SECISBP2: variants seen among roughly 807,000 people sequenced by gnomAD.
SECISBP2 encodes the protein selenocysteine insertion sequence-binding protein 2.
In SECISBP2, 96 loss-of-function variants were observed where a neutral mutation model predicts 98.2. That is an observed-to-expected ratio of 0.98 (90% CI 0.83 to 1.16). The LOEUF is 1.16. Among genes scored for constraint, SECISBP2 ranks in the 50% most tolerant of loss-of-function variants. SECISBP2 has a pLI of 0.00. For synonymous variants in SECISBP2, 407 were observed against 370.2 expected (o/e 1.10, Z -1.14); for missense variants, 1,046 against 1,022.9 (o/e 1.02, Z -0.31).
Position 89,331,720 on chromosome 9 carries a change from G to T in SECISBP2, c.802-1188G>T, listed in dbSNP as rs76784295. Among the ~76,000 whole-genome samples the T allele has an allele frequency of 6.9e-3, 1,046 of 152,320 alleles. 15 individuals are homozygous for T. The highest frequency in any genetic ancestry group is 0.024 in the African/African-American group (991 of 41,568). On this transcript the variant is annotated intron_variant, in intron 5 of 16. Coordinates refer to ENST00000375807, the MANE Select transcript of SECISBP2 (RefSeq NM_024077.5). ...GATGGACTGTTGAACTTTGGTGTGT[G>T]CCTAGTGAATGATGGCTTTTGCATT...
chr9:89,357,860 TG>T, intron 15 of SECISBP2, 138 bp from the exon 16 acceptor site: 3 of 1,021,144 alleles, frequency 2.9e-6, no homozygotes, highest in Non-Finnish European at 4.5e-6. Flanking sequence ...GCAGCATCCC[TG>T]GTACCCACCC....
At chr9:89,361,614 A>AT (rs1832772141), downstream of SECISBP2, 1 of 152,230 alleles carries the variant, frequency 6.6e-6, no homozygotes, top group South Asian at 2.1e-4. Context: ...TCGTCAAGAA[A>AT]TTTAATATGG....
At chr9:89,363,721 T>G, downstream of SECISBP2, 3 of 1,608,040 alleles carry the variant, frequency 1.9e-6, no homozygotes, top group Middle Eastern at 1.7e-4. Flanking sequence ...AGGGTAACAG[T>G]GGGCATGGGA....
rs1826486809 is a variant in SECISBP2, at chr9:89,325,236, T to A, written c.183-191T>A. ...CCAGCTCATTAGTGAAAAAATAGAG[T>A]CAACATCTTTCTTTGCAGGGTGAGA... is the stretch of plus-strand genomic sequence containing the variant. On this transcript the variant is annotated intron_variant, in intron 2 of 16. Transcript: ENST00000375807. 5.0e-6 allele frequency: 3 copies of A among 605,898 alleles called. No individual in the cohort carries two copies. The Admixed American group carries it at 9.0e-5, about 18-fold the overall frequency. 37.5% of individuals were successfully genotyped at this position (605,898 alleles called of 1,614,324 possible).
At chr9:89,350,068 C>A (rs1259558739) in intron 13 of SECISBP2, 139 bp downstream of exon 13, 12 of 975,796 alleles carry the variant, frequency 1.2e-5, no homozygotes, top group Non-Finnish European at 1.9e-5. Flanking sequence ...AAGCTGGGTA[C>A]CTGGTTACAC....
chr9:89,356,769 T>C (rs1832153981), intron 14 of SECISBP2: 2 of 156,276 alleles, frequency 1.3e-5, no homozygotes, highest in Admixed American at 1.2e-4. Context: ...ACTATAGTCT[T>C]GTGCTGCTGT....
intron 7 of SECISBP2, among the ~76,000 whole-genome samples, chr9:89,335,484 C>T (rs1828509866): frequency 6.6e-6 from 1 of 152,026 alleles, no homozygotes; most frequent in East Asian, 2.0e-4. Context: ...AGGTGCCTGC[C>T]ACCATGCCTG....
At chr9:89,366,538 T>G in the SECISBP2 span, among the ~76,000 whole-genome samples, 1 of 152,174 alleles carries the variant, frequency 6.6e-6, no homozygotes. Flanking sequence ...AACTTAACAC[T>G]CTATAATTTG....
rs376449278 is a variant in SECISBP2, at chr9:89,350,863, A to G, written c.2113+11A>G. 1.5e-5 allele frequency: 24 copies of G among 1,611,280 alleles called. No homozygotes were observed. In the African/African-American group the frequency reaches 2.1e-4, roughly 14 times the overall value. On this transcript the variant is annotated intron_variant, in intron 14 of 16. Transcript: ENST00000375807. Reference sequence around the variant, plus strand: ...AGATACAGTCAAAAGGTAAAGGCACAGTGTGGTCCTGTGATATGTGGGCCC... The same window carrying G: ...AGATACAGTCAAAAGGTAAAGGCACGGTGTGGTCCTGTGATATGTGGGCCC...
At chr9:89,346,521 C>CAG (rs1830445755) in intron 10 of SECISBP2, among the ~76,000 whole-genome samples, 1 of 149,532 alleles carries the variant, frequency 6.7e-6, no homozygotes, top group Admixed American at 6.7e-5. Flanking sequence ...ACAGTAGCAG[C>CAG]AGTGAGTGCA....
chr9:89,345,406 G>T (rs1196925994), intron 10 of SECISBP2, among the ~76,000 whole-genome samples: 1 of 152,210 alleles, frequency 6.6e-6, no homozygotes, highest in East Asian at 1.9e-4. Flanking sequence ...AAAGCAGAGC[G>T]GGGAGAGACT....
At chr9:89,353,423 A>G (rs995782981) in intron 14 of SECISBP2, among the ~76,000 whole-genome samples, 1 of 152,016 alleles carries the variant, frequency 6.6e-6, no homozygotes, top group African/African-American at 2.4e-5. Flanking sequence ...CCACCATTAG[A>G]TGTGTGGTGC....
At chr9:89,321,326 G>A (rs1825768998) in intron 2 of SECISBP2, among the ~76,000 whole-genome samples, 1 of 152,250 alleles carries the variant, frequency 6.6e-6, no homozygotes, top group South Asian at 2.1e-4. Flanking sequence ...AGTAACATGA[G>A]TGGAGACTAA....
chr9:89,361,801 C>G (rs991907036), downstream of SECISBP2: 1 of 154,484 alleles, frequency 6.5e-6, no homozygotes, highest in Admixed American at 6.3e-5. Flanking sequence ...ACTCCCAGAT[C>G]GCATCTCACA....
intron 14 of SECISBP2, chr9:89,355,076 G>T: frequency 1.0e-6 from 1 of 985,304 alleles, no homozygotes; most frequent in African/African-American, 1.7e-5. Context: ...GCAGAATAAG[G>T]GCTGTGGGTT....
At chr9:89,320,299 T>G (rs1825516177) in intron 2 of SECISBP2, among the ~76,000 whole-genome samples, 2 of 132,660 alleles carry the variant, frequency 1.5e-5, no homozygotes, top group South Asian at 4.6e-4. Flanking sequence ...GAGGTTGCAG[T>G]GGGCCAAGAT....
chr9:89,341,355 T>G lies in SECISBP2; in HGVS notation c.1311T>G (p.Phe437Leu). 1.2e-6 allele frequency: 2 copies of G among 1,613,666 alleles called. No homozygotes were observed. Among genetic ancestry groups the G allele is most frequent in the Non-Finnish European group, 8.5e-7 (1 of 1,179,658 alleles). Reference sequence around the variant, plus strand: ...GAATTTTGAACTTTCAGGATAATTTTAAAAATAATGTAAAGAAGAGCCAGC... The same window carrying G: ...GAATTTTGAACTTTCAGGATAATTTGAAAAATAATGTAAAGAAGAGCCAGC... ...FQSKQQPQDN[F>L]KNNVKKSQLP... is the part of the protein sequence containing the mutation. Residue 437 changes from phenylalanine (F) to leucine (L), a missense_variant, in exon 10 of 17, where the codon TTT (phenylalanine) becomes TTG (leucine). By Grantham distance (22) the Phe-to-Leu change is conservative. Coordinates refer to ENST00000375807, the MANE Select transcript of SECISBP2 (RefSeq NM_024077.5).
intron 7 of SECISBP2, among the ~76,000 whole-genome samples, chr9:89,336,920 C>T (rs1391516280): frequency 2.0e-5 from 3 of 151,748 alleles, no homozygotes; most frequent in Non-Finnish European, 2.9e-5. Flanking sequence ...TACAGGTGCC[C>T]GCCACCATGC....
rs755250278 is a variant in SECISBP2 at position 89,325,415 on chromosome 9, CTTT to C, written c.183-9_183-7del. The C allele has an allele frequency of 6.2e-7, 1 of 1,613,458 alleles. No individual in the cohort carries two copies. Among genetic ancestry groups the C allele is most frequent in the Non-Finnish European group, 8.5e-7 (1 of 1,179,724 alleles). ...ATGAAATCTGCAACTAAAGTTTACA[CTTT>C]TTACTTAGGCAGAAAATATATACTG... On this transcript the variant is annotated splice_polypyrimidine_tract_variant and intron_variant, in intron 2 of 16. Transcript: ENST00000375807.
Sources: gnomAD v4.1 joint callset for allele counts (sites outside exome capture counted in the v4.1 genomes callset) on GRCh38, gnomAD v4.1.1 for gene constraint, MANE v1.5 for transcripts, NCBI Gene and HGNC (gene_info 2026-07-23, HGNC 2026-07-21) for gene names.